Variants in ENTREP2 observed in about 807,000 individuals in gnomAD.
ENTREP2 encodes the protein protein ENTREP2.
the ENTREP2 span, among the ~76,000 whole-genome samples, chr15:29,380,421 A>G: frequency 6.6e-6 from 1 of 152,198 alleles, no homozygotes; most frequent in Non-Finnish European, 1.5e-5. Flanking sequence ...CTAATCACTT[A>G]AAGAGGAGAT....
chr15:29,180,446 C>T, the ENTREP2 span, among the ~76,000 whole-genome samples: 1 of 152,104 alleles, frequency 6.6e-6, no homozygotes, highest in Non-Finnish European at 1.5e-5. Flanking sequence ...AGGCGGATCA[C>T]CTGAGGTCAG....
chr15:29,571,396 C>G, the ENTREP2 span, among the ~76,000 whole-genome samples: 1 of 152,162 alleles, frequency 6.6e-6, no homozygotes, highest in Non-Finnish European at 1.5e-5. Context: ...GGGAGACGGG[C>G]TGGGAGCAGA....
chr15:29,187,088 C>G, the ENTREP2 span, among the ~76,000 whole-genome samples: 1 of 152,128 alleles, frequency 6.6e-6, no homozygotes, highest in Non-Finnish European at 1.5e-5. Context: ...TTTCCTATAG[C>G]TAACCTACCC....
At chr15:29,194,072 T>C in the ENTREP2 span, among the ~76,000 whole-genome samples, 11 of 152,344 alleles carry the variant, frequency 7.2e-5, no homozygotes, top group African/African-American at 2.4e-4. Flanking sequence ...GCAATCTCAA[T>C]TAAAATCCCA....
the ENTREP2 span, among the ~76,000 whole-genome samples, chr15:29,620,990 G>C: frequency 1.3e-5 from 2 of 152,228 alleles, no homozygotes; most frequent in African/African-American, 4.8e-5. Flanking sequence ...GGGAGGAGCC[G>C]GGTGGACTCT....
chr15:29,528,410 C>T, the ENTREP2 span, among the ~76,000 whole-genome samples: 4 of 151,902 alleles, frequency 2.6e-5, no homozygotes, highest in Non-Finnish European at 5.9e-5. Context: ...AGTGATGCTC[C>T]TCCTCTTGGC....
the ENTREP2 span, among the ~76,000 whole-genome samples, chr15:29,666,234 A>G: frequency 5.9e-5 from 9 of 152,080 alleles, no homozygotes; most frequent in South Asian, 1.7e-3. Context: ...CATGCCCAAA[A>G]CTAAATTCTC....
At chr15:29,297,570 C>T in the ENTREP2 span, among the ~76,000 whole-genome samples, 64 of 152,208 alleles carry the variant, frequency 4.2e-4, no homozygotes, top group African/African-American at 1.5e-3. Flanking sequence ...TTAATGAATC[C>T]AGGCATCACA....
At chr15:29,425,726 T>C in the ENTREP2 span, among the ~76,000 whole-genome samples, 1 of 152,144 alleles carries the variant, frequency 6.6e-6, no homozygotes, top group Admixed American at 6.5e-5. Flanking sequence ...TTGGAAATTA[T>C]ATATCAATTT....
At chr15:29,300,801 T>A in the ENTREP2 span, among the ~76,000 whole-genome samples, 4 of 152,204 alleles carry the variant, frequency 2.6e-5, no homozygotes, top group African/African-American at 9.6e-5. Context: ...GGTTTCACCA[T>A]GTTAGCCAGA....
the ENTREP2 span, among the ~76,000 whole-genome samples, chr15:29,596,844 T>A: frequency 2.1e-4 from 32 of 152,040 alleles, no homozygotes; most frequent in African/African-American, 7.5e-4. Flanking sequence ...AATTTTTGTA[T>A]TTTTTAGTAG....
the ENTREP2 span, among the ~76,000 whole-genome samples, chr15:29,344,152 C>T: frequency 6.6e-6 from 1 of 152,214 alleles, no homozygotes; most frequent in African/African-American, 2.4e-5. Context: ...TGCAAAGAGG[C>T]CAGGCCACGA....
At chr15:29,301,403 C>G in the ENTREP2 span, among the ~76,000 whole-genome samples, 2 of 152,190 alleles carry the variant, frequency 1.3e-5, no homozygotes, top group Non-Finnish European at 2.9e-5. Flanking sequence ...TTAGAGTTTT[C>G]AGTAACAAAA....
the ENTREP2 span, among the ~76,000 whole-genome samples, chr15:29,214,237 C>T: frequency 2.0e-5 from 3 of 152,184 alleles, no homozygotes; most frequent in Non-Finnish European, 4.4e-5. Flanking sequence ...GACACATGCA[C>T]ACATATGTTT....
chr15:29,262,915 C>A, the ENTREP2 span, among the ~76,000 whole-genome samples: 2 of 152,314 alleles, frequency 1.3e-5, no homozygotes, highest in South Asian at 2.1e-4. Context: ...CTGGTATCTG[C>A]TGCTTCCTCC....
chr15:29,144,167 T>C, the ENTREP2 span, among the ~76,000 whole-genome samples: 591 of 152,296 alleles, frequency 3.9e-3, 4 homozygotes, highest in Middle Eastern at 0.037. Context: ...TCTCTGGGAC[T>C]AGTGGTTGCC....
At chr15:29,663,964 G>A in the ENTREP2 span, among the ~76,000 whole-genome samples, 1 of 151,550 alleles carries the variant, frequency 6.6e-6, no homozygotes, top group South Asian at 2.1e-4. Flanking sequence ...GGAGGCAGAG[G>A]TTGCAGTGAG....
chr15:29,185,181 TG>T, the ENTREP2 span, among the ~76,000 whole-genome samples: 1 of 151,768 alleles, frequency 6.6e-6, no homozygotes, highest in Non-Finnish European at 1.5e-5. Context: ...AGGCTGGTCT[TG>T]AACTCCCGAC....
the ENTREP2 span, among the ~76,000 whole-genome samples, chr15:29,357,073 T>C: frequency 6.6e-6 from 1 of 152,082 alleles, no homozygotes; most frequent in Non-Finnish European, 1.5e-5. Context: ...TACAACAAAG[T>C]GGGCACTGCA....
Sources: allele counts gnomAD v4.1 joint callset (sites outside exome capture counted in the v4.1 genomes callset), GRCh38; gene constraint gnomAD v4.1.1; transcripts MANE v1.5; gene names NCBI Gene and HGNC (gene_info 2026-07-23, HGNC 2026-07-21).